ADRM1: variants seen among roughly 807,000 people sequenced by gnomAD.
The protein encoded by ADRM1 is proteasomal ubiquitin receptor ADRM1.
A neutral mutation model predicts 40.1 loss-of-function variants in ADRM1; 2 were observed. The observed-to-expected ratio is 0.05, with a 90% CI of 0.02 to 0.16. The LOEUF (loss-of-function observed/expected upper bound fraction) is 0.16. Ranked by LOEUF, ADRM1 falls within the 10% of genes least tolerant of loss-of-function variation. The probability of loss-of-function intolerance (pLI) is 1.00; values close to 1 mark genes in which losing one functional copy is unlikely to be tolerated. For synonymous variants in ADRM1, 287 were observed against 240.4 expected, an observed-to-expected ratio of 1.19 and a Z score of -1.79; for missense variants, 467 against 552.5, an observed-to-expected ratio of 0.85 and a Z score of 1.55.
At chr20:62,303,494 C>A in intron 1 of ADRM1, 74 bp from the exon 2 acceptor site, 1 of 1,460,582 alleles carries the variant, frequency 6.8e-7, no homozygotes, top group South Asian at 1.3e-5. Flanking sequence ...TCGCAAACAC[C>A]CCAGGGGGCG....
chr20:62,305,127 T>G (rs1339639039), intron 3 of ADRM1, among the ~76,000 whole-genome samples: 1 of 152,232 alleles, frequency 6.6e-6, no homozygotes. Context: ...CCGTTTTTTG[T>G]GCTGTTACAG....
chr20:62,305,268 C>T (rs1434128076), intron 3 of ADRM1, among the ~76,000 whole-genome samples: 6 of 152,234 alleles, frequency 3.9e-5, no homozygotes, highest in South Asian at 2.1e-4. Flanking sequence ...GAGAGAAGGC[C>T]ATGCTCTCTG....
Position 62,304,105 on chromosome 20 carries a change from C to T in ADRM1, c.213+324C>T, listed in dbSNP as rs1299844987. Reference sequence around the variant, plus strand: ...GGAGAGCCTGGAGCTCTGTGCCTGGCGGCTTCACTCAGTCTTCTTTGTTTT... The same window carrying T: ...GGAGAGCCTGGAGCTCTGTGCCTGGTGGCTTCACTCAGTCTTCTTTGTTTT... On this transcript the variant is annotated intron_variant, in intron 2 of 9. Coordinates refer to ENST00000253003, the MANE Select transcript of ADRM1 (RefSeq NM_007002.4). The T allele has an allele frequency of 1.0e-4, 51 of 490,586 alleles. 1 individual carries two copies. In the Admixed American group the frequency reaches 1.7e-3, roughly 16 times the overall value. The allele number at this position is 490,586 out of a possible 1,614,324, so 30.4% of individuals were successfully genotyped here.
intron 1 of ADRM1, 194 bp from the exon 2 acceptor site, chr20:62,303,374 G>A: frequency 1.8e-6 from 1 of 545,676 alleles, no homozygotes; most frequent in East Asian, 3.2e-5. Flanking sequence ...GGGCTGCCCC[G>A]GCCCAGCGCC....
intron 2 of ADRM1, chr20:62,304,039 A>G (rs565080435): frequency 1.9e-6 from 1 of 540,332 alleles, no homozygotes; most frequent in African/African-American, 1.9e-5. Flanking sequence ...CCTGGCCTTG[A>G]ACTGTCCGTG....
At position 62,303,827 on chromosome 20, in the gene ADRM1, C is replaced by T. The variant is rs760489258; in HGVS notation, c.213+46C>T. 5.7e-6 allele frequency: 9 copies of T among 1,577,300 alleles called. No homozygotes were observed. The African/African-American group carries it at 9.4e-5, about 17-fold the overall frequency. ...GCAGCAGGACAGGCGACTTCTCGGG[C>T]CCTCGGAGTCCTCGCTTTGGAGTTC... On this transcript the variant is annotated intron_variant, in intron 2 of 9. Transcript: ENST00000253003.
chr20:62,304,163 G>A (rs1307717255), intron 2 of ADRM1: 2 of 487,130 alleles, frequency 4.1e-6, no homozygotes, highest in Non-Finnish European at 7.5e-6. Context: ...TTACATTTGA[G>A]AGCAGTTCAG....
intron 1 of ADRM1, chr20:62,303,257 A>T (rs1984371206): frequency 4.6e-6 from 1 of 217,966 alleles, no homozygotes; most frequent in African/African-American, 2.3e-5. Flanking sequence ...GCTCGGCGGG[A>T]GCTCGGGCGG....
chr20:62,306,277 G>A lies in ADRM1; in HGVS notation c.411G>A (p.Leu137=). 4 of 1,611,956 alleles carry A rather than the reference G, an allele frequency of 2.5e-6. No individual in the cohort carries two copies. Among genetic ancestry groups the A allele is most frequent in the South Asian group, 1.1e-5 (1 of 91,044 alleles). Residue 137 remains leucine, a synonymous_variant, in exon 4 of 10, where the codon CTG becomes CTA. Coordinates refer to ENST00000253003, the MANE Select transcript of ADRM1 (RefSeq NM_007002.4). ...ACAACCCCCCGATGCCTGGGGCGCT[G>A]GGGGCCAGCGGAAGCAGCGGCCACG... The part of the protein sequence containing the change: ...YLNNPPMPGA[L]GASGSSGHEL...
At chr20:62,305,968 AC>A in intron 3 of ADRM1, 1 of 549,828 alleles carries the variant, frequency 1.8e-6, no homozygotes, top group Admixed American at 3.1e-5. Context: ...GACAGGGCAC[AC>A]CCGGGATTGC....
At chr20:62,306,600 G>T in intron 4 of ADRM1, 48 bp from the exon 5 acceptor site, 2 of 1,546,886 alleles carry the variant, frequency 1.3e-6, no homozygotes, top group Non-Finnish European at 1.8e-6. Flanking sequence ...GGTGGGGCCC[G>T]CGTGGATCTG....
In ADRM1 at chr20:62,307,343, T is replaced by C. The variant is rs745985960; in HGVS notation, c.542-28T>C. 1.6e-5 allele frequency: 26 copies of C among 1,590,594 alleles called. No homozygotes were observed. The East Asian group carries it at 4.7e-4, about 29-fold the overall frequency. On this transcript the variant is annotated intron_variant, in intron 5 of 9. Transcript: ENST00000253003. ...CTTTCTGGTGGGCTAGAGGGCATCC[T>C]GAGCTCGCATTTCCTTGCCCCTCGC...
chr20:62,308,839 A>AAAG lies in ADRM1; in HGVS notation c.*79_*81dup, dbSNP rs1985615910. On this transcript the variant is annotated 3_prime_UTR_variant, in exon 10 of 10. Coordinates refer to ENST00000253003, the MANE Select transcript of ADRM1 (RefSeq NM_007002.4). Reference sequence around the variant, plus strand: ...CACCTCCCACCCACTGATTATTAATAAAGTCTTTTCTTTTACCTGCCAATG... The same window carrying AAAG: ...CACCTCCCACCCACTGATTATTAATAAAGAAGTCTTTTCTTTTACCTGCCAATG... 1.3e-6 allele frequency: 2 copies of AAAG among 1,549,778 alleles called. No homozygotes were observed. The highest frequency in any genetic ancestry group is 1.4e-5 in the African/African-American group (1 of 72,554).
intron 2 of ADRM1, 163 bp from the exon 3 acceptor site, chr20:62,304,298 C>T (rs1235605355): frequency 3.3e-6 from 2 of 612,472 alleles, no homozygotes; most frequent in Non-Finnish European, 5.9e-6. Flanking sequence ...GTCTCTGACC[C>T]TGGCTTCTCT....
In ADRM1 at chr20:62,303,693, A is replaced by G. The variant is rs1984456268; in HGVS notation, c.125A>G (p.Lys42Arg). ...AAGGGGACCACCGTGACTCCGGATA[A>G]GCGGAAAGGGCTGGTGTACATTCAG... ...SLKGTTVTPDKRKGLVYIQQT... is the reference protein window; with the variant it reads ...SLKGTTVTPDRRKGLVYIQQT... Residue 42 changes from lysine to arginine, a missense_variant, in exon 2 of 10, where the codon AAG becomes AGG. This residue lies in a region of ADRM1 where 16 missense variants were observed against 49.1 expected (regional missense o/e 0.33). Transcript: ENST00000253003. 2 of 1,612,474 alleles carry G rather than the reference A, an allele frequency of 1.2e-6. No homozygotes were observed. Among genetic ancestry groups the G allele is most frequent in the South Asian group, 2.2e-5 (2 of 91,076 alleles).
chr20:62,307,155 G>A (rs1275189338), intron 5 of ADRM1, among the ~76,000 whole-genome samples: 1 of 152,212 alleles, frequency 6.6e-6, no homozygotes, highest in Non-Finnish European at 1.5e-5. Flanking sequence ...CACATGAATT[G>A]TGTAATGGGA....
Position 62,304,575 on chromosome 20 carries a change from C to G in ADRM1, c.328C>G (p.Gln110Glu). ...GTCCAAGCGGCTTTTCTTCTGGATG[C>G]AGGTATGGGGCAGGCCTTGGGGTTG... ...AGSKRLFFWM[Q>E]EPKTDQDEEH... The change falls in exon 3 of 10, where the codon CAG becomes GAG. Residue 110 changes from glutamine to glutamate, a missense_variant and splice_region_variant. By Grantham distance (29) the Gln-to-Glu change is conservative. Transcript: ENST00000253003. 1 of 1,613,668 alleles carries G rather than the reference C, an allele frequency of 6.2e-7. No individual in the cohort carries two copies. Among genetic ancestry groups the G allele is most frequent in the Non-Finnish European group, 8.5e-7 (1 of 1,179,684 alleles).
chr20:62,306,847 G>T (rs1985061282), intron 5 of ADRM1, 113 bp downstream of exon 5: 1 of 1,048,212 alleles, frequency 9.5e-7, no homozygotes, highest in Non-Finnish European at 1.4e-6. Flanking sequence ...CGGGGAGCCT[G>T]TGTGTCCGCA....
chr20:62,306,627 C>G (rs1351696283), intron 4 of ADRM1, 21 bp from the exon 5 acceptor site: 17 of 1,593,798 alleles, frequency 1.1e-5, no homozygotes, highest in Non-Finnish European at 1.5e-5. Context: ...GCAGGCCCGC[C>G]TGAGCTGCAG....
Sources: gnomAD v4.1 joint callset for allele counts (sites outside exome capture counted in the v4.1 genomes callset) on GRCh38, gnomAD v4.1.1 for gene constraint, gnomAD v4.1.1 regional missense constraint, MANE v1.5 for transcripts, NCBI Gene and HGNC (gene_info 2026-07-23, HGNC 2026-07-21) for gene names.